CLEC16A: variants seen among roughly 807,000 people sequenced by gnomAD.
CLEC16A encodes C-type lectin domain containing 16A.
In CLEC16A, 51 loss-of-function variants were observed where a neutral mutation model predicts 109.5. The ratio of observed to expected loss-of-function variants is 0.47; its 90% CI spans 0.37 to 0.59. The LOEUF (loss-of-function observed/expected upper bound fraction) is 0.59. Ranked by LOEUF, CLEC16A falls within the 20% of genes least tolerant of loss-of-function variation. The pLI is 0.00. For missense variants in CLEC16A, 1,339 were observed against 1,394.0 expected (o/e 0.96, Z 0.63); for synonymous variants, 673 against 564.2 (o/e 1.19, Z -2.73).
chr16:10,947,847 T>G (rs950667838), intron 1 of CLEC16A, among the ~76,000 whole-genome samples: 3 of 152,144 alleles, frequency 2.0e-5, no homozygotes, highest in Non-Finnish European at 4.4e-5. Flanking sequence ...AAAAGAATTA[T>G]TTATTTATTA....
intron 13 of CLEC16A, among the ~76,000 whole-genome samples, chr16:11,034,076 G>C (rs2046891916): frequency 6.6e-6 from 1 of 152,174 alleles, no homozygotes; most frequent in African/African-American, 2.4e-5. Flanking sequence ...GTTTTGTTTT[G>C]CTGAGAAGTT....
chr16:11,144,362 C>A (rs2153070208), intron 22 of CLEC16A, among the ~76,000 whole-genome samples: 1 of 152,306 alleles, frequency 6.6e-6, no homozygotes, highest in African/African-American at 2.4e-5. Context: ...CAGCTCTTTG[C>A]TCCTCCAGGC....
intron 22 of CLEC16A, among the ~76,000 whole-genome samples, chr16:11,161,449 T>C (rs958346603): frequency 2.6e-5 from 4 of 152,136 alleles, no homozygotes; most frequent in Non-Finnish European, 5.9e-5. Flanking sequence ...CTAGCAAAGG[T>C]TGAGAGCAAG....
rs775541101 is a variant in CLEC16A at position 11,051,620 on chromosome 16, C to T, written c.1974C>T (p.Gly658=). 12 of 1,613,976 alleles carry T rather than the reference C, an allele frequency of 7.4e-6. No homozygotes were observed. In the Admixed American group the frequency reaches 1.8e-4, roughly 25 times the overall value. Residue 658 remains glycine, a synonymous_variant, in exon 18 of 24, where the codon GGC becomes GGT. Coordinates refer to ENST00000409790, the MANE Select transcript of CLEC16A (RefSeq NM_015226.3). ...GIDFVKRLPC[G]DVEKTRRAIR... The stretch of plus-strand genomic sequence containing the variant: ...ACTTCGTGAAGCGGCTGCCGTGTGG[C>T]GATGTGGAGAAGACCCGGCGGGTGA...
In CLEC16A at chr16:11,045,947, G is replaced by C. The variant is rs746889928; in HGVS notation, c.1816-1345G>C. Among the ~76,000 whole-genome samples, 9 of 152,256 alleles carry C rather than the reference G, an allele frequency of 5.9e-5. No homozygotes were observed. In the South Asian group the frequency reaches 1.7e-3, roughly 28 times the overall value. ...ATGACCCCATCCAGCTGCAGCAGTG[G>C]ACATACCCAGACAAGGGTGGCACCG... is the stretch of plus-strand genomic sequence containing the variant. On this transcript the variant is annotated intron_variant, in intron 16 of 23. Transcript: ENST00000409790.
rs577517022 is a variant in CLEC16A, at chr16:11,170,372, A to C, written c.2806+3820A>C. 3.9e-5 allele frequency among the ~76,000 whole-genome samples: 6 copies of C among 152,350 alleles called. No individual in the cohort carries two copies. In the South Asian group the frequency reaches 1.2e-3, roughly 32 times the overall value. On this transcript the variant is annotated intron_variant, in intron 23 of 23. Coordinates refer to ENST00000409790, the MANE Select transcript of CLEC16A (RefSeq NM_015226.3). The stretch of plus-strand genomic sequence containing the variant: ...GACCCCAGGGAGCCCACGTGGGTTC[A>C]TCCCACATGAGGCAGTGAAACCAGC...
intron 22 of CLEC16A, among the ~76,000 whole-genome samples, chr16:11,144,634 C>T (rs917725890): frequency 2.0e-5 from 3 of 152,176 alleles, no homozygotes; most frequent in South Asian, 2.1e-4. Flanking sequence ...CTGTGGTCCT[C>T]GGCCCTAGCT....
intron 23 of CLEC16A, 89 bp downstream of exon 23, chr16:11,166,641 C>T (rs1477715679): frequency 7.6e-7 from 1 of 1,315,508 alleles, no homozygotes; most frequent in Non-Finnish European, 1.0e-6. Flanking sequence ...TCCAGGTCCT[C>T]CTTGTCACAG....
At chr16:11,159,424 A>G (rs2054642401) in intron 22 of CLEC16A, among the ~76,000 whole-genome samples, 2 of 152,120 alleles carry the variant, frequency 1.3e-5, no homozygotes, top group African/African-American at 2.4e-5. Context: ...GCCCTGTCTG[A>G]TTTTCAAAAG....
intron 1 of CLEC16A, among the ~76,000 whole-genome samples, chr16:10,957,283 C>T (rs377388195): frequency 1.4e-4 from 22 of 152,234 alleles, no homozygotes; most frequent in Non-Finnish European, 2.8e-4. Flanking sequence ...TGGGACCCAG[C>T]CTTCCTAAGC....
intron 22 of CLEC16A, among the ~76,000 whole-genome samples, chr16:11,153,938 CT>C (rs879388377): frequency 1.2e-4 from 18 of 152,164 alleles, no homozygotes; most frequent in Non-Finnish European, 2.5e-4. Flanking sequence ...AATAAGTCCC[CT>C]TTTTGTGGGT....
At chr16:10,995,281 A>G (rs1197005183) in intron 10 of CLEC16A, among the ~76,000 whole-genome samples, 4 of 152,214 alleles carry the variant, frequency 2.6e-5, no homozygotes, top group Admixed American at 1.3e-4. Flanking sequence ...AGGAGAAGGT[A>G]GGAAGCAGTG....
chr16:11,009,542 G>A (rs755771931), intron 11 of CLEC16A, among the ~76,000 whole-genome samples: 12 of 152,210 alleles, frequency 7.9e-5, no homozygotes, highest in Non-Finnish European at 1.6e-4. Flanking sequence ...TGAGCTGTGG[G>A]ATGGTAATCA....
chr16:10,987,015 G>A (rs1171828364), intron 10 of CLEC16A, among the ~76,000 whole-genome samples: 2 of 151,856 alleles, frequency 1.3e-5, no homozygotes, highest in Non-Finnish European at 2.9e-5. Flanking sequence ...ACCACACCCA[G>A]CTAATTTTGT....
chr16:11,154,723 G>A (rs963102446), intron 22 of CLEC16A, among the ~76,000 whole-genome samples: 4 of 151,632 alleles, frequency 2.6e-5, no homozygotes, highest in South Asian at 2.1e-4. Context: ...TCAGGAGTTC[G>A]AGACCAGCCT....
At chr16:11,062,117 G>A (rs1344907296) in intron 19 of CLEC16A, among the ~76,000 whole-genome samples, 1 of 147,674 alleles carries the variant, frequency 6.8e-6, no homozygotes, top group Non-Finnish European at 1.5e-5. Flanking sequence ...TCTAAGCTGG[G>A]GTCGCATGCC....
At chr16:11,008,320 G>T (rs2045166773) in intron 11 of CLEC16A, among the ~76,000 whole-genome samples, 1 of 152,190 alleles carries the variant, frequency 6.6e-6, no homozygotes, top group South Asian at 2.1e-4. Flanking sequence ...AGACTATTGG[G>T]AGGCCATGCC....
At chr16:11,007,030 T>C (rs1456162605) in intron 11 of CLEC16A, among the ~76,000 whole-genome samples, 4 of 152,344 alleles carry the variant, frequency 2.6e-5, no homozygotes, top group Non-Finnish European at 4.4e-5. Flanking sequence ...TTTTTTAGCT[T>C]GCCCTTGAGT....
At chr16:11,152,365 C>T (rs1269456567) in intron 22 of CLEC16A, among the ~76,000 whole-genome samples, 1 of 152,208 alleles carries the variant, frequency 6.6e-6, no homozygotes, top group African/African-American at 2.4e-5. Context: ...GACAGATGGT[C>T]CTCCTGCTAC....
Sources: allele counts gnomAD v4.1 joint callset (sites outside exome capture counted in the v4.1 genomes callset), GRCh38; gene constraint gnomAD v4.1.1; transcripts MANE v1.5; gene names NCBI Gene and HGNC (gene_info 2026-07-23, HGNC 2026-07-21).